Variants in DCDC2 observed in about 807,000 individuals in gnomAD.
The protein encoded by DCDC2 is doublecortin domain containing 2, also known as doublecortin domain-containing protein 2.
Under a neutral mutation model 50.2 loss-of-function variants are expected in DCDC2, and 40 were observed. That is an observed-to-expected ratio of 0.80 (90% CI 0.62 to 1.04). The LOEUF is 1.04. Ranked by LOEUF, DCDC2 falls within the 50% of genes least tolerant of loss-of-function variation. DCDC2 has a pLI of 0.00. For missense variants in DCDC2, 570 were observed against 581.9 expected (o/e 0.98, Z 0.21); for synonymous variants, 234 against 210.6 (o/e 1.11, Z -0.96).
At chr6:24,268,467 ACAGAGT>A (rs767927222) in intron 7 of DCDC2, among the ~76,000 whole-genome samples, 6 of 152,284 alleles carry the variant, frequency 3.9e-5, no homozygotes, top group Admixed American at 6.5e-5. Flanking sequence ...AGCCTGGGTG[ACAGAGT>A]CAGACTCTGT....
chr6:24,370,049 GA>G, the DCDC2 span, among the ~76,000 whole-genome samples: 13 of 146,982 alleles, frequency 8.8e-5, no homozygotes, highest in South Asian at 4.3e-4. Flanking sequence ...GTCTCAAAAA[GA>G]AAAAAAAAAT....
intron 7 of DCDC2, among the ~76,000 whole-genome samples, chr6:24,248,899 T>C (rs1762741654): frequency 6.6e-6 from 1 of 152,224 alleles, no homozygotes; most frequent in African/African-American, 2.4e-5. Context: ...CCAATTAACC[T>C]AATGCCCTTA....
chr6:24,257,571 G>C (rs1340798284), intron 7 of DCDC2, among the ~76,000 whole-genome samples: 1 of 152,114 alleles, frequency 6.6e-6, no homozygotes, highest in Non-Finnish European at 1.5e-5. Flanking sequence ...GCCACTGTTA[G>C]TCTTAAAGAG....
intron 7 of DCDC2, among the ~76,000 whole-genome samples, chr6:24,235,969 A>G (rs1441849061): frequency 6.6e-6 from 1 of 152,260 alleles, no homozygotes; most frequent in Non-Finnish European, 1.5e-5. Context: ...CAAATGGAAA[A>G]ACATTCCATG....
chr6:24,360,007 C>T (rs1315923293), upstream of DCDC2, among the ~76,000 whole-genome samples: 3 of 152,188 alleles, frequency 2.0e-5, no homozygotes, highest in Non-Finnish European at 1.5e-5. Context: ...GGGCGCCGGC[C>T]GCGCGGGGGC....
intron 1 of DCDC2, among the ~76,000 whole-genome samples, chr6:24,355,100 C>A (rs371981444): frequency 1.6e-4 from 25 of 152,284 alleles, no homozygotes; most frequent in East Asian, 5.8e-4. Flanking sequence ...ATCATTATAA[C>A]CGTAGATACT....
At chr6:24,350,479 T>C (rs1289144606) in intron 2 of DCDC2, among the ~76,000 whole-genome samples, 2 of 152,156 alleles carry the variant, frequency 1.3e-5, no homozygotes, top group East Asian at 1.9e-4. Context: ...TAGTATGTTT[T>C]AGGCAACCAG....
the DCDC2 span, among the ~76,000 whole-genome samples, chr6:24,370,542 T>C: frequency 1.3e-5 from 2 of 151,918 alleles, no homozygotes; most frequent in African/African-American, 4.8e-5. Context: ...ACCCCATCCC[T>C]ACAAAAAATA....
intron 7 of DCDC2, among the ~76,000 whole-genome samples, chr6:24,205,620 A>G (rs542219965): frequency 1.9e-4 from 29 of 152,116 alleles, no homozygotes; most frequent in African/African-American, 6.8e-4. Context: ...ATATCTCACC[A>G]AAAAATCAGT....
intron 4 of DCDC2, among the ~76,000 whole-genome samples, chr6:24,299,468 G>A (rs1012165700): frequency 6.6e-6 from 1 of 152,064 alleles, no homozygotes; most frequent in East Asian, 1.9e-4. Flanking sequence ...TGTATTCCCT[G>A]AACCTAAAAT....
At chr6:24,251,383 CT>C (rs1762789614) in intron 7 of DCDC2, among the ~76,000 whole-genome samples, 1 of 152,282 alleles carries the variant, frequency 6.6e-6, no homozygotes, top group South Asian at 2.1e-4. Flanking sequence ...CGATTTTGGT[CT>C]GTTACTTTAG....
intron 2 of DCDC2, among the ~76,000 whole-genome samples, chr6:24,322,983 A>G (rs1438588903): frequency 6.6e-6 from 1 of 152,220 alleles, no homozygotes; most frequent in Non-Finnish European, 1.5e-5. Context: ...GACATCTCCA[A>G]AAATGAATCA....
Position 24,357,661 on chromosome 6 carries a change from C to A in DCDC2, c.90G>T (p.Ala30=). The A allele has an allele frequency of 5.6e-6, 9 of 1,613,424 alleles. No homozygotes were observed. Among genetic ancestry groups the A allele is most frequent in the Non-Finnish European group, 7.6e-6 (9 of 1,180,030 alleles). The stretch of plus-strand genomic sequence containing the variant: ...TCTCATGGATGACGACGCGGCGCCC[C>A]GCGTAGAAGGGGTCCCCGTTGCGGT... ...LVYRNGDPFY[A]GRRVVIHEKK... The change falls in exon 1 of 10, where the codon GCG becomes GCT. Residue 30 remains alanine, a synonymous_variant. Transcript: ENST00000378454.
chr6:24,233,363 G>A (rs974195340), intron 7 of DCDC2, among the ~76,000 whole-genome samples: 1 of 152,122 alleles, frequency 6.6e-6, no homozygotes, highest in Non-Finnish European at 1.5e-5. Context: ...AATCACTACT[G>A]TTTCATCAAA....
intron 7 of DCDC2, among the ~76,000 whole-genome samples, chr6:24,277,465 C>T (rs945213598): frequency 5.9e-5 from 9 of 152,342 alleles, no homozygotes; most frequent in Non-Finnish European, 8.8e-5. Context: ...CTTCCTTAGT[C>T]TACCACACTT....
chr6:24,300,991 A>G (rs1263826437), intron 4 of DCDC2, among the ~76,000 whole-genome samples: 1 of 151,928 alleles, frequency 6.6e-6, no homozygotes, highest in Non-Finnish European at 1.5e-5. Context: ...ATACTTCCTG[A>G]TATCTGATTT....
At chr6:24,199,197 C>T (rs1308732680) in intron 8 of DCDC2, among the ~76,000 whole-genome samples, 2 of 152,230 alleles carry the variant, frequency 1.3e-5, no homozygotes, top group South Asian at 2.1e-4. Context: ...GTCCCTGACC[C>T]CTGTGCCTCC....
chr6:24,286,366 G>T (rs1763609389), intron 6 of DCDC2, among the ~76,000 whole-genome samples: 1 of 152,174 alleles, frequency 6.6e-6, no homozygotes, highest in Non-Finnish European at 1.5e-5. Context: ...GCCAAGGCAG[G>T]CCGATCGCTG....
chr6:24,296,487 A>G (rs1319694549), intron 4 of DCDC2, among the ~76,000 whole-genome samples: 1 of 152,202 alleles, frequency 6.6e-6, no homozygotes, highest in Non-Finnish European at 1.5e-5. Context: ...TGGGAAACTT[A>G]AGAGCTTCTG....
Sources: allele counts gnomAD v4.1 joint callset (sites outside exome capture counted in the v4.1 genomes callset), GRCh38; gene constraint gnomAD v4.1.1; transcripts MANE v1.5; gene names NCBI Gene and HGNC (gene_info 2026-07-23, HGNC 2026-07-21).